Variants in MXI1 observed in about 807,000 individuals in gnomAD.
MXI1 encodes the protein MAX interactor 1, dimerization protein.
MXI1 carries 18 observed loss-of-function variants against 36.9 expected under a neutral mutation model. That is an observed-to-expected ratio of 0.49 (90% CI 0.34 to 0.72). MXI1 has a LOEUF of 0.72. MXI1 is among the 30% of genes least tolerant of loss of function. The probability of loss-of-function intolerance (pLI) is 0.01; values close to 1 mark genes in which losing one functional copy is unlikely to be tolerated. For synonymous variants in MXI1, 160 were observed against 146.7 expected, an observed-to-expected ratio of 1.09 and a Z score of -0.65; for missense variants, 304 against 379.1, an observed-to-expected ratio of 0.80 and a Z score of 1.64.
At chr10:110,257,787 A>G in intron 3 of MXI1, 1 of 341,368 alleles carries the variant, frequency 2.9e-6, no homozygotes, top group Non-Finnish European at 5.8e-6. Context: ...GTACTTTATA[A>G]GAACCAGTGG....
intron 3 of MXI1, among the ~76,000 whole-genome samples, chr10:110,258,221 G>C (rs1199307512): frequency 6.6e-6 from 1 of 152,076 alleles, no homozygotes; most frequent in Non-Finnish European, 1.5e-5. Context: ...AAAAATGGTG[G>C]TTACTTCCCA....
intron 1 of MXI1, chr10:110,210,442 C>A (rs1016055949): frequency 1.0e-5 from 3 of 298,770 alleles, no homozygotes; most frequent in African/African-American, 2.3e-5. Context: ...GCCAACGGCC[C>A]CCAGATTTCC....
intron 3 of MXI1, among the ~76,000 whole-genome samples, chr10:110,264,804 A>T (rs10884944): frequency 0.069 from 10,433 of 152,272 alleles, 736 homozygotes; most frequent in East Asian, 0.32. Context: ...ATAATTTGCC[A>T]TAATAAAATT....
chr10:110,234,244 A>G (rs2078269991), intron 2 of MXI1, among the ~76,000 whole-genome samples: 2 of 152,266 alleles, frequency 1.3e-5, no homozygotes, highest in South Asian at 4.1e-4. Context: ...TGAATATAGC[A>G]TGATTCTTTG....
chr10:110,272,538 C>T (rs1027212224), intron 3 of MXI1, among the ~76,000 whole-genome samples: 2 of 152,018 alleles, frequency 1.3e-5, no homozygotes, highest in African/African-American at 4.8e-5. Context: ...TATATATAGC[C>T]TATGCTAAGA....
intron 2 of MXI1, among the ~76,000 whole-genome samples, chr10:110,231,363 C>CG (rs1491508543): frequency 1.3e-5 from 1 of 75,622 alleles, no homozygotes; most frequent in African/African-American, 6.3e-5. Context: ...TGATAATCCA[C>CG]CCCCCCCCCC....
At position 110,246,880 on chromosome 10, in the gene MXI1, C is replaced by T. The variant is rs541423821; in HGVS notation, c.437+2023C>T. Among the ~76,000 whole-genome samples the T allele has an allele frequency of 2.7e-4, 41 of 152,096 alleles. No individual in the cohort carries two copies. The South Asian group carries it at 7.7e-3, about 29-fold the overall frequency. On this transcript the variant is annotated intron_variant, in intron 3 of 5. Transcript: ENST00000332674. ...ACATATCTGGCTATTTTAAACATAACAAAAAAGACTAAGAAATGAAACTTC... is the reference window on the plus strand; with the variant it reads ...ACATATCTGGCTATTTTAAACATAATAAAAAAGACTAAGAAATGAAACTTC...
intron 1 of MXI1, among the ~76,000 whole-genome samples, chr10:110,210,078 G>C (rs936764837): frequency 1.0e-5 from 1 of 99,366 alleles, no homozygotes; most frequent in African/African-American, 3.9e-5. Context: ...CCGCCACCTC[G>C]TTGTTTACCC....
rs148644983 is a variant in MXI1, at chr10:110,222,405, G to A, written c.275-5784G>A. ...TCCTCTCTCCCCATCTCGCCTCCCT[G>A]AAGAAAAGATACAACACATCAGCCT... is the stretch of plus-strand genomic sequence containing the variant. On this transcript the variant is annotated intron_variant, in intron 1 of 5. Transcript: ENST00000332674. 4.4e-3 allele frequency among the ~76,000 whole-genome samples: 672 copies of A among 152,270 alleles called. 5 individuals are homozygous for A. Among genetic ancestry groups the A allele is most frequent in the Non-Finnish European group, 7.6e-3 (514 of 68,018 alleles).
chr10:110,250,589 T>G (rs1206994816), intron 3 of MXI1, among the ~76,000 whole-genome samples: 2 of 152,024 alleles, frequency 1.3e-5, no homozygotes, highest in African/African-American at 4.8e-5. Flanking sequence ...CCAACACTTT[T>G]GGGAGGCTGA....
chr10:110,218,455 A>T (rs1348571907), intron 1 of MXI1, among the ~76,000 whole-genome samples: 2 of 152,136 alleles, frequency 1.3e-5, no homozygotes, highest in East Asian at 3.9e-4. Context: ...ATCTCAAAAA[A>T]AAAAAAAAGA....
intron 3 of MXI1, among the ~76,000 whole-genome samples, chr10:110,256,136 A>G (rs1381651048): frequency 6.6e-6 from 1 of 152,206 alleles, no homozygotes; most frequent in Non-Finnish European, 1.5e-5. Context: ...CCTACCTCAC[A>G]CCATACACAA....
chr10:110,245,939 A>T (rs1249603872), intron 3 of MXI1: 2 of 152,156 alleles, frequency 1.3e-5, no homozygotes, highest in African/African-American at 4.8e-5. Flanking sequence ...TATTACTGTT[A>T]ATCAAGAAAA....
intron 2 of MXI1, among the ~76,000 whole-genome samples, chr10:110,236,124 CTTTTTTTTTTTTTTTT>C (rs60576710): frequency 3.0e-4 from 10 of 33,566 alleles, no homozygotes; most frequent in African/African-American, 4.7e-4. Context: ...GGTTGAAGTT[CTTTTTTTTTTTTTTTT>C]TTTTTTTTTT....
chr10:110,256,032 AT>A (rs1856278318), intron 3 of MXI1, among the ~76,000 whole-genome samples: 1 of 152,146 alleles, frequency 6.6e-6, no homozygotes, highest in African/African-American at 2.4e-5. Flanking sequence ...TGGTCAACTA[AT>A]TTTTAGCAAG....
chr10:110,216,578 C>G (rs1402030244), intron 1 of MXI1, among the ~76,000 whole-genome samples: 1 of 151,084 alleles, frequency 6.6e-6, no homozygotes, highest in African/African-American at 2.4e-5. Context: ...TTGGTTCTAG[C>G]TATCATTATA....
Position 110,207,630 on chromosome 10 carries a change from GAC to G in MXI1, c.-172_-171del, listed in dbSNP as rs1303315339. The G allele has an allele frequency of 1.0e-5, 2 of 191,392 alleles. No homozygotes were observed. The highest frequency in any genetic ancestry group is 4.7e-5 in the African/African-American group (2 of 42,162). 11.9% of individuals were successfully genotyped at this position (191,392 alleles called of 1,614,324 possible). ...ATACACACAGACTCACAGCGAGACCGACACACACTCCCATACACTCACACACA... is the reference window on the plus strand; with the variant it reads ...ATACACACAGACTCACAGCGAGACCGACACACTCCCATACACTCACACACA... On this transcript the variant is annotated 5_prime_UTR_variant, in exon 1 of 6. Transcript: ENST00000332674.
At chr10:110,279,404 C>G (rs1045624698) in intron 4 of MXI1, 110 bp downstream of exon 4, 9 of 866,180 alleles carry the variant, frequency 1.0e-5, no homozygotes, top group Non-Finnish European at 1.5e-5. Flanking sequence ...TCCTTAATAA[C>G]TGACCTCAAG....
intron 1 of MXI1, among the ~76,000 whole-genome samples, chr10:110,218,644 G>A (rs1007433393): frequency 3.9e-5 from 6 of 152,092 alleles, no homozygotes; most frequent in African/African-American, 9.7e-5. Context: ...AGATGGTCTA[G>A]GGTGTCACTG....
Sources: gnomAD v4.1 joint callset for allele counts (sites outside exome capture counted in the v4.1 genomes callset) on GRCh38, gnomAD v4.1.1 for gene constraint, MANE v1.5 for transcripts, NCBI Gene and HGNC (gene_info 2026-07-23, HGNC 2026-07-21) for gene names.